The following ANK2 variants were observed in gnomAD, a reference collection of about 807,000 sequenced individuals.
ANK2 encodes the protein ankyrin 2, also known as ankyrin-2.
Under a neutral mutation model 360.5 loss-of-function variants are expected in ANK2, and 83 were observed. The ratio of observed to expected loss-of-function variants is 0.23; its 90% CI spans 0.19 to 0.28. The LOEUF is 0.28. Ranked by LOEUF, ANK2 falls within the 10% of genes least tolerant of loss-of-function variation. ANK2 has a pLI of 1.00. For synonymous variants in ANK2, 1,740 were observed against 1,759.5 expected, an observed-to-expected ratio of 0.99 and a Z score of 0.28; for missense variants, 4,201 against 4,795.7, an observed-to-expected ratio of 0.88 and a Z score of 3.66.
At chr4:112,862,267 A>T (rs1409472447) in intron 1 of ANK2, among the ~76,000 whole-genome samples, 1 of 152,272 alleles carries the variant, frequency 6.6e-6, no homozygotes, top group Non-Finnish European at 1.5e-5. Flanking sequence ...TGACAGATTT[A>T]GGATACAATA....
At chr4:113,348,242 T>G (rs971047234) in intron 35 of ANK2, 34 bp from the exon 36 acceptor site, 1 of 1,609,982 alleles carries the variant, frequency 6.2e-7, no homozygotes, top group Non-Finnish European at 8.5e-7. Flanking sequence ...CTTCTCTCTT[T>G]TTTCCATCTT....
chr4:112,957,472 C>G (rs980209415), intron 2 of ANK2, among the ~76,000 whole-genome samples: 4 of 152,250 alleles, frequency 2.6e-5, no homozygotes, highest in African/African-American at 9.6e-5. Flanking sequence ...CCTTTCCCCC[C>G]TTTCTATTCC....
intron 1 of ANK2, among the ~76,000 whole-genome samples, chr4:112,830,617 TA>T (rs201627895): frequency 0.16 from 24,704 of 149,964 alleles, 2,548 homozygotes; most frequent in East Asian, 0.48. Flanking sequence ...TTATTATTAT[TA>T]TTTTTTTTTG....
chr4:113,220,194 G>C (rs919099519), intron 4 of ANK2, among the ~76,000 whole-genome samples: 1 of 152,214 alleles, frequency 6.6e-6, no homozygotes, highest in Non-Finnish European at 1.5e-5. Context: ...ATTCGAGTTT[G>C]GTGGATTGAA....
At chr4:113,144,773 T>C (rs2096765958) in intron 1 of ANK2, among the ~76,000 whole-genome samples, 1 of 147,562 alleles carries the variant, frequency 6.8e-6, no homozygotes, top group South Asian at 2.1e-4. Context: ...TTTTAAACTA[T>C]ATACTACTTA....
At chr4:112,896,789 C>T (rs1300870254) in intron 1 of ANK2, among the ~76,000 whole-genome samples, 1 of 152,172 alleles carries the variant, frequency 6.6e-6, no homozygotes, top group Non-Finnish European at 1.5e-5. Context: ...AGGGCTTCTC[C>T]CTTTATTCAG....
At chr4:112,824,517 T>G (rs2057972908) in intron 1 of ANK2, among the ~76,000 whole-genome samples, 1 of 151,756 alleles carries the variant, frequency 6.6e-6, no homozygotes, top group East Asian at 1.9e-4. Flanking sequence ...CATTTTTTTT[T>G]TTTTTTAGAC....
chr4:112,750,831 A>G, the ANK2 span, among the ~76,000 whole-genome samples: 2 of 151,842 alleles, frequency 1.3e-5, no homozygotes, highest in African/African-American at 4.8e-5. Flanking sequence ...GGGTTCAAGC[A>G]GTTCTCCTGC....
intron 1 of ANK2, among the ~76,000 whole-genome samples, chr4:113,072,264 A>G (rs2154341158): frequency 6.6e-6 from 1 of 152,350 alleles, no homozygotes; most frequent in East Asian, 1.9e-4. Context: ...TGGAAAAGAG[A>G]GACAATAAAA....
At chr4:113,327,669 G>A (rs2153901801) in intron 26 of ANK2, among the ~76,000 whole-genome samples, 1 of 152,286 alleles carries the variant, frequency 6.6e-6, no homozygotes, top group African/African-American at 2.4e-5. Flanking sequence ...TGGCTCCTAT[G>A]TGTGGACTTA....
chr4:113,155,853 T>C (rs2097268828), intron 1 of ANK2, among the ~76,000 whole-genome samples: 1 of 152,210 alleles, frequency 6.6e-6, no homozygotes, highest in Non-Finnish European at 1.5e-5. Context: ...AATAAATATA[T>C]GACTAAGTTT....
rs189208714 is a variant in ANK2 at position 113,094,149 on chromosome 4, C to T, written c.84+44337C>T. On this transcript the variant is annotated intron_variant, in intron 1 of 45. Coordinates refer to ENST00000357077, the MANE Select transcript of ANK2 (RefSeq NM_001148.6). ...CATTGAATAAATATTTCAATTAAGT[C>T]GGATGTTGATGTGAATGCAAATTAA... is the stretch of plus-strand genomic sequence containing the variant. 1.5e-4 allele frequency among the ~76,000 whole-genome samples: 23 copies of T among 152,136 alleles called. 1 individual carries two copies. In the East Asian group the frequency reaches 4.1e-3, roughly 27 times the overall value.
At chr4:112,991,359 G>T (rs2046727314) in intron 2 of ANK2, among the ~76,000 whole-genome samples, 1 of 152,068 alleles carries the variant, frequency 6.6e-6, no homozygotes, top group African/African-American at 2.4e-5. Flanking sequence ...AAAGCTTGGG[G>T]TATCATATTG....
intron 1 of ANK2, among the ~76,000 whole-genome samples, chr4:113,064,341 T>A (rs1162629401): frequency 6.6e-6 from 1 of 152,184 alleles, no homozygotes; most frequent in Non-Finnish European, 1.5e-5. Context: ...TGACTTACCG[T>A]GATGACAGGT....
chr4:113,340,314 G>A (rs575001000), intron 32 of ANK2, among the ~76,000 whole-genome samples: 8 of 152,322 alleles, frequency 5.3e-5, no homozygotes, highest in African/African-American at 1.9e-4. Context: ...GTGAAAAAGA[G>A]AATAACATGA....
intron 2 of ANK2, among the ~76,000 whole-genome samples, chr4:112,906,926 A>T (rs1003959095): frequency 2.0e-5 from 3 of 152,316 alleles, no homozygotes; most frequent in African/African-American, 7.2e-5. Flanking sequence ...ATCAGGGATC[A>T]TCTGTTTTGA....
At chr4:113,018,403 G>A (rs905187229) in intron 2 of ANK2, among the ~76,000 whole-genome samples, 7 of 152,196 alleles carry the variant, frequency 4.6e-5, no homozygotes, top group African/African-American at 1.7e-4. Flanking sequence ...ATCGCGTAAA[G>A]AATCAATGTC....
chr4:113,170,492 G>C (rs909637531), intron 1 of ANK2, among the ~76,000 whole-genome samples: 11 of 152,162 alleles, frequency 7.2e-5, no homozygotes, highest in African/African-American at 2.7e-4. Flanking sequence ...ATATACCGAA[G>C]TTATATGTTT....
At chr4:113,027,052 G>A (rs557095988) in intron 2 of ANK2, among the ~76,000 whole-genome samples, 2 of 152,122 alleles carry the variant, frequency 1.3e-5, no homozygotes, top group African/African-American at 2.4e-5. Flanking sequence ...AGTGAAGATG[G>A]CGTGCTGGAT....
Sources: allele counts gnomAD v4.1 joint callset (sites outside exome capture counted in the v4.1 genomes callset), GRCh38; gene constraint gnomAD v4.1.1; transcripts MANE v1.5; gene names NCBI Gene and HGNC (gene_info 2026-07-23, HGNC 2026-07-21).